Variants in SIPA1L1 observed in about 807,000 individuals in gnomAD.
SIPA1L1 encodes signal induced proliferation associated 1 like 1.
In SIPA1L1, 26 loss-of-function variants were observed where a neutral mutation model predicts 162.7. The ratio of observed to expected loss-of-function variants is 0.16; its 90% CI spans 0.12 to 0.22. The LOEUF (loss-of-function observed/expected upper bound fraction) is 0.22, where lower values mean the gene tolerates loss of function less well. Among genes scored for constraint, SIPA1L1 ranks in the 10% least tolerant of loss-of-function variants. SIPA1L1 has a pLI of 1.00. For synonymous variants in SIPA1L1, 829 were observed against 837.4 expected (o/e 0.99, Z 0.17); for missense variants, 1,874 against 2,241.0 (o/e 0.84, Z 3.31).
intron 2 of SIPA1L1, among the ~76,000 whole-genome samples, chr14:71,403,735 A>T (rs529012750): frequency 1.3e-5 from 2 of 151,928 alleles, no homozygotes; most frequent in African/African-American, 4.8e-5. Flanking sequence ...TTAAATTCTG[A>T]GTAATTTTAT....
intron 5 of SIPA1L1, among the ~76,000 whole-genome samples, chr14:71,612,470 G>T (rs1423331041): frequency 1.3e-5 from 2 of 152,070 alleles, no homozygotes; most frequent in Non-Finnish European, 2.9e-5. Flanking sequence ...ATTAACTATT[G>T]TAAACATGTT....
intron 4 of SIPA1L1, among the ~76,000 whole-genome samples, chr14:71,562,142 A>G (rs1482545713): frequency 6.6e-6 from 1 of 151,844 alleles, no homozygotes; most frequent in African/African-American, 2.4e-5. Flanking sequence ...ATATTGTCTC[A>G]ATCTATGTGC....
intron 12 of SIPA1L1, among the ~76,000 whole-genome samples, chr14:71,684,456 G>A (rs993613577): frequency 6.6e-6 from 1 of 152,232 alleles, no homozygotes; most frequent in African/African-American, 2.4e-5. Flanking sequence ...TTGGCCGGAC[G>A]CCCTTTGGGC....
Position 71,699,282 on chromosome 14 carries a change from G to A in SIPA1L1, c.3521+155G>A, listed in dbSNP as rs980435997. Among the ~76,000 whole-genome samples, 153 of 152,310 alleles carry A rather than the reference G, an allele frequency of 1.0e-3. 1 individual carries two copies. Among genetic ancestry groups the A allele is most frequent in the Non-Finnish European group, 8.8e-5 (6 of 68,030 alleles). ...TAGTTAATAATCCAGATAGAAAAAT[G>A]GCTTCATGGCTGGTTTAAACTACTT... On this transcript the variant is annotated intron_variant, in intron 14 of 23. Coordinates refer to ENST00000381232, the MANE Select transcript of SIPA1L1 (RefSeq NM_001386936.1).
chr14:71,611,860 A>G (rs1212950583), intron 5 of SIPA1L1, among the ~76,000 whole-genome samples: 1 of 152,218 alleles, frequency 6.6e-6, no homozygotes, highest in Non-Finnish European at 1.5e-5. Context: ...GCTGCAATAA[A>G]CATATGTGTG....
At chr14:71,539,491 A>T (rs1440460753) in intron 4 of SIPA1L1, among the ~76,000 whole-genome samples, 1 of 152,214 alleles carries the variant, frequency 6.6e-6, no homozygotes, top group South Asian at 2.1e-4. Context: ...CTGGTATTTC[A>T]TAATATTTAG....
At chr14:71,576,949 G>A (rs2033122007) in intron 4 of SIPA1L1, among the ~76,000 whole-genome samples, 1 of 151,972 alleles carries the variant, frequency 6.6e-6, no homozygotes, top group African/African-American at 2.4e-5. Context: ...CAGGTGTGGT[G>A]GCGGGCACCT....
intron 2 of SIPA1L1, among the ~76,000 whole-genome samples, chr14:71,338,503 T>C (rs888316207): frequency 6.6e-6 from 1 of 152,126 alleles, no homozygotes; most frequent in East Asian, 1.9e-4. Context: ...GACAGGGTCA[T>C]TGTAAAGGGC....
intron 3 of SIPA1L1, among the ~76,000 whole-genome samples, chr14:71,519,579 A>G (rs760372110): frequency 3.3e-5 from 5 of 151,998 alleles, no homozygotes; most frequent in Non-Finnish European, 5.9e-5. Context: ...AATCCCAGCT[A>G]CTTGGGAGGC....
At chr14:71,634,448 C>T (rs939655316) in intron 7 of SIPA1L1, among the ~76,000 whole-genome samples, 3 of 148,894 alleles carry the variant, frequency 2.0e-5, no homozygotes, top group Non-Finnish European at 4.5e-5. Flanking sequence ...CAATTTGAAT[C>T]ACAGATTTTT....
intron 17 of SIPA1L1, 91 bp from the exon 18 acceptor site, chr14:71,723,556 C>A: frequency 6.9e-7 from 1 of 1,441,772 alleles, no homozygotes; most frequent in South Asian, 1.2e-5. Context: ...CACTGTTGTT[C>A]AACCCAGCCA....
intron 2 of SIPA1L1, among the ~76,000 whole-genome samples, chr14:71,392,188 G>A (rs1345167180): frequency 6.6e-6 from 1 of 152,174 alleles, no homozygotes; most frequent in Non-Finnish European, 1.5e-5. Context: ...ACAGTCTCCG[G>A]TGCAGGCAGA....
chr14:71,439,605 C>T (rs1469853609), intron 2 of SIPA1L1, among the ~76,000 whole-genome samples: 2 of 152,124 alleles, frequency 1.3e-5, no homozygotes, highest in African/African-American at 2.4e-5. Context: ...AAGTATTTGG[C>T]TGGAGGAGAA....
intron 4 of SIPA1L1, among the ~76,000 whole-genome samples, chr14:71,544,004 C>CATGT (rs760995427): frequency 6.2e-4 from 91 of 147,830 alleles, no homozygotes; most frequent in Non-Finnish European, 1.1e-3. Flanking sequence ...CACACACGCA[C>CATGT]ATGTATATAT....
intron 4 of SIPA1L1, among the ~76,000 whole-genome samples, chr14:71,569,679 G>C (rs1700975383): frequency 2.0e-5 from 3 of 152,184 alleles, no homozygotes; most frequent in Admixed American, 1.3e-4. Flanking sequence ...GTAGAACTGG[G>C]TTCGAAAAAT....
At chr14:71,428,472 A>G (rs1595412700) in intron 2 of SIPA1L1, among the ~76,000 whole-genome samples, 1 of 151,210 alleles carries the variant, frequency 6.6e-6, no homozygotes, top group African/African-American at 2.4e-5. Context: ...AGGTCTTTTC[A>G]GATATTTTCT....
chr14:71,631,916 A>G (rs2040612991), intron 7 of SIPA1L1, among the ~76,000 whole-genome samples: 1 of 152,254 alleles, frequency 6.6e-6, no homozygotes, highest in Non-Finnish European at 1.5e-5. Context: ...AGAGTTATGT[A>G]TATGAAGAAC....
intron 20 of SIPA1L1, among the ~76,000 whole-genome samples, chr14:71,733,242 T>C (rs2084966774): frequency 6.6e-6 from 1 of 152,114 alleles, no homozygotes; most frequent in Non-Finnish European, 1.5e-5. Context: ...TATTGTCCCC[T>C]CTAGTAGGAA....
chr14:71,638,852 G>A (rs1225776571), intron 7 of SIPA1L1, among the ~76,000 whole-genome samples: 1 of 152,154 alleles, frequency 6.6e-6, no homozygotes, highest in Admixed American at 6.5e-5. Flanking sequence ...TTCTTTCAGT[G>A]AATATGTGGA....
Sources: gnomAD v4.1 joint callset for allele counts (sites outside exome capture counted in the v4.1 genomes callset) on GRCh38, gnomAD v4.1.1 for gene constraint, MANE v1.5 for transcripts, NCBI Gene and HGNC (gene_info 2026-07-23, HGNC 2026-07-21) for gene names.